Variants in CLIP1 observed in about 807,000 individuals in gnomAD.
CLIP1 encodes the protein CAP-Gly domain containing linker protein 1.
In CLIP1, 66 loss-of-function variants were observed where a neutral mutation model predicts 161.6. That is an observed-to-expected ratio of 0.41 (90% CI 0.33 to 0.50). CLIP1 has a LOEUF of 0.50. Ranked by LOEUF, CLIP1 falls within the 20% of genes least tolerant of loss-of-function variation. The probability of loss-of-function intolerance (pLI) is 0.27; values close to 1 mark genes in which losing one functional copy is unlikely to be tolerated. For missense variants in CLIP1, 1,376 were observed against 1,702.0 expected (o/e 0.81, Z 3.37); for synonymous variants, 598 against 626.2 (o/e 0.96, Z 0.67).
rs1048354518 is a variant in CLIP1, at chr12:122,279,587, G to A, written c.3648-442C>T. 8 of 152,292 alleles carry A rather than the reference G, an allele frequency of 5.3e-5. No homozygotes were observed. The highest frequency in any genetic ancestry group is 1.9e-4 in the African/African-American group (8 of 41,440). The allele number at this position is 152,292 out of a possible 1,614,324, so 9.4% of individuals were successfully genotyped here. A position where few individuals can be genotyped will look rare whatever the true frequency, so the allele number is the denominator to read the frequency against. ...AGTTATACAGATGTCATGCAGAGCA[G>A]CTTTATGCTGGAAATATCAATTGGT... On this transcript the variant is annotated intron_variant, in intron 21 of 25. Coordinates refer to ENST00000620786, the MANE Select transcript of CLIP1 (RefSeq NM_001247997.2). The surrounding 1 kb of genome is among the most constrained non-coding windows in gnomAD (Gnocchi z 4.5).
At chr12:122,329,837 G>A (rs1429797978) in intron 15 of CLIP1, among the ~76,000 whole-genome samples, 1 of 152,152 alleles carries the variant, frequency 6.6e-6, no homozygotes, top group Non-Finnish European at 1.5e-5. Flanking sequence ...AACATGGGGG[G>A]CCGGGTGCGT....
At chr12:122,375,315 C>CTTTT (rs58301377) in intron 3 of CLIP1, among the ~76,000 whole-genome samples, 9 of 142,822 alleles carry the variant, frequency 6.3e-5, no homozygotes, top group Non-Finnish European at 3.1e-5. Flanking sequence ...CCCTGAAATT[C>CTTTT]TTTTTTTTTT....
At chr12:122,297,990 A>C (rs189179934) in intron 20 of CLIP1, among the ~76,000 whole-genome samples, 9 of 152,260 alleles carry the variant, frequency 5.9e-5, no homozygotes, top group African/African-American at 1.9e-4. Context: ...ATCTCCGTCC[A>C]GTTTGGGACG....
intron 10 of CLIP1, chr12:122,341,909 G>A (rs1952529966): frequency 2.9e-6 from 1 of 348,808 alleles, no homozygotes; most frequent in East Asian, 4.8e-5. Flanking sequence ...TCAGCCTCCT[G>A]AGTAGCTAGG....
chr12:122,298,250 A>G (rs143183147), intron 20 of CLIP1, among the ~76,000 whole-genome samples: 1 of 152,332 alleles, frequency 6.6e-6, no homozygotes, highest in Non-Finnish European at 1.5e-5. Flanking sequence ...ATTATGCAGG[A>G]AAGACCACAT....
At position 122,361,051 on chromosome 12, in the gene CLIP1, C is replaced by T. The variant is rs748179509; in HGVS notation, c.913G>A (p.Ala305Thr). The T allele has an allele frequency of 2.2e-5, 35 of 1,614,046 alleles. 1 individual carries two copies. The Admixed American group carries it at 4.0e-4, about 18-fold the overall frequency. The change falls in exon 5 of 26, where the codon GCC becomes ACC. Residue 305 changes from alanine to threonine, a missense_variant. By Grantham distance (58) the Ala-to-Thr change is moderately conservative (BLOSUM62 0). Transcript: ENST00000620786. ...AVRRVMATTS[A>T]SLKRSPSASS... ...GCAGAAGGGCTGCGCTTCAGGCTGG[C>T]GGACGTGGTCGCCATCACTCGCCTC...
chr12:122,316,716 T>C (rs750045844), intron 19 of CLIP1, 33 bp downstream of exon 19: 2 of 1,234,554 alleles, frequency 1.6e-6, no homozygotes, highest in African/African-American at 3.0e-5. Flanking sequence ...TAAAATAAAT[T>C]CCATATTTTT....
At chr12:122,378,928 C>A (rs7299845) in intron 2 of CLIP1, among the ~76,000 whole-genome samples, 7,231 of 152,074 alleles carry the variant, frequency 0.048, 557 homozygotes, top group African/African-American at 0.17. Context: ...GAGTTTGAGA[C>A]CAGCCTGACC....
chr12:122,346,498 TTTTTG>T (rs1049283133), intron 10 of CLIP1, among the ~76,000 whole-genome samples: 23 of 152,094 alleles, frequency 1.5e-4, no homozygotes, highest in South Asian at 4.1e-4. Context: ...ACTGAGGGTT[TTTTTG>T]TTTTGTTTTG....
chr12:122,341,384 C>T lies in CLIP1; in HGVS notation c.1820G>A (p.Ser607Asn). The T allele has an allele frequency of 6.2e-7, 1 of 1,614,132 alleles. No individual in the cohort carries two copies. Among genetic ancestry groups the T allele is most frequent in the Non-Finnish European group, 8.5e-7 (1 of 1,180,034 alleles). Residue 607 changes from serine to asparagine, a missense_variant, in exon 11 of 26, where the codon AGC (serine) becomes AAC (asparagine). By Grantham distance (46) the Ser-to-Asn change is conservative. This residue lies in a region of CLIP1 where 948 missense variants were observed against 1,134.8 expected (regional missense o/e 0.84). Coordinates refer to ENST00000620786, the MANE Select transcript of CLIP1 (RefSeq NM_001247997.2). ...KLSKENESLK[S>N]KLEHANKENS... ...CTCTTTGTTGGCATGCTCCAGCTTG[C>T]TTTTCAATGACTCGTTCTCTTTGGA...
chr12:122,414,657 G>A (rs1235533648), intron 1 of CLIP1, among the ~76,000 whole-genome samples: 4 of 151,684 alleles, frequency 2.6e-5, no homozygotes, highest in Admixed American at 2.0e-4. Context: ...GAAGAGACGG[G>A]GTTTCACCAT....
At chr12:122,380,666 T>A (rs1475152788) in intron 1 of CLIP1, 108 bp from the exon 2 acceptor site, 12 of 378,484 alleles carry the variant, frequency 3.2e-5, no homozygotes. Context: ...ATAATCCATC[T>A]CCAGGCTGAA....
intron 1 of CLIP1, among the ~76,000 whole-genome samples, chr12:122,387,546 TCATATATATATATATATATATATA>T (rs1566208870): frequency 1.3e-5 from 1 of 77,062 alleles, no homozygotes; most frequent in East Asian, 3.4e-4. Context: ...ACATGCCTTT[TCATATATATATATATATATATATA>T]TATATATATA....
At position 122,328,119 on chromosome 12, in the gene CLIP1, T is replaced by C. The variant is rs2136235047; in HGVS notation, c.3077A>G (p.Lys1026Arg). The change falls in exon 17 of 26, where the codon AAA (lysine) becomes AGA (arginine). Residue 1026 changes from lysine (K) to arginine (R), a missense_variant. By Grantham distance (26) the Lys-to-Arg change is conservative (BLOSUM62 2). This residue lies in a region of CLIP1 where 948 missense variants were observed against 1,134.8 expected (regional missense o/e 0.84). Coordinates refer to ENST00000620786, the MANE Select transcript of CLIP1 (RefSeq NM_001247997.2). ...AGAAGTGGCTCTCTCATACCTGGCT[T>C]TCAGCTCCTGACACTGGTTGTGGCT... The part of the protein sequence containing the change: ...ETSHNQCQEL[K>R]ARYERATSET... 3 of 1,614,206 alleles carry C rather than the reference T, an allele frequency of 1.9e-6. No homozygotes were observed. The East Asian group carries it at 6.7e-5, about 36-fold the overall frequency.
At chr12:122,414,498 C>G (rs1185278510) in intron 1 of CLIP1, among the ~76,000 whole-genome samples, 1 of 151,592 alleles carries the variant, frequency 6.6e-6, no homozygotes, top group Non-Finnish European at 1.5e-5. Flanking sequence ...GAGTTTCTAT[C>G]TTTTTGCCCA....
chr12:122,362,164 G>A (rs1241729541), intron 4 of CLIP1, among the ~76,000 whole-genome samples: 1 of 151,062 alleles, frequency 6.6e-6, no homozygotes, highest in East Asian at 2.0e-4. Flanking sequence ...ATGTTGGCCA[G>A]GATGGTCTCG....
chr12:122,328,816 C>T (rs946352745), intron 15 of CLIP1, among the ~76,000 whole-genome samples: 30 of 152,134 alleles, frequency 2.0e-4, no homozygotes, highest in Admixed American at 6.5e-5. Flanking sequence ...CTCCTGGCCT[C>T]GTGATTCGCC....
chr12:122,285,424 A>G (rs1955810920), intron 21 of CLIP1, among the ~76,000 whole-genome samples: 1 of 151,982 alleles, frequency 6.6e-6, no homozygotes, highest in African/African-American at 2.4e-5. Context: ...ACGGGGTTTC[A>G]CCTTTCACCA....
chr12:122,289,616 C>G (rs1053463368), intron 20 of CLIP1, among the ~76,000 whole-genome samples: 2 of 152,066 alleles, frequency 1.3e-5, no homozygotes, highest in African/African-American at 4.8e-5. Flanking sequence ...AAGCATTATT[C>G]AAGCATTTGT....
Sources: gnomAD v4.1 joint callset for allele counts (sites outside exome capture counted in the v4.1 genomes callset) on GRCh38, gnomAD v4.1.1 for gene constraint, gnomAD v4.1.1 regional missense constraint, Gnocchi (gnomAD v3.1) non-coding constraint, MANE v1.5 for transcripts, NCBI Gene and HGNC (gene_info 2026-07-23, HGNC 2026-07-21) for gene names.